The following CATSPERD variants were observed in gnomAD, a reference collection of about 807,000 sequenced individuals.
CATSPERD encodes cation channel sperm-associated auxiliary subunit delta.
CATSPERD carries 86 observed loss-of-function variants against 98.1 expected under a neutral mutation model. The ratio of observed to expected loss-of-function variants is 0.88; its 90% confidence interval spans 0.74 to 1.05. CATSPERD has a LOEUF of 1.05. CATSPERD is among the 50% of genes least tolerant of loss of function. The probability of loss-of-function intolerance (pLI) is 0.00; values close to 1 mark genes in which losing one functional copy is unlikely to be tolerated. For missense variants in CATSPERD, 995 were observed against 1,005.7 expected (o/e 0.99, Z 0.14); for synonymous variants, 394 against 390.2 (o/e 1.01, Z -0.12).
chr19:5,757,704 G>A (rs1216138886), intron 13 of CATSPERD, 139 bp from the exon 14 acceptor site: 5 of 561,190 alleles, frequency 8.9e-6, no homozygotes, highest in Non-Finnish European at 1.5e-5. Flanking sequence ...GTCTCCCAAA[G>A]TGCTGGGATT....
chr19:5,727,344 G>T lies in CATSPERD; in HGVS notation c.203G>T (p.Gly68Val). Reference sequence around the variant, plus strand: ...GAGAAAAATATAGCACTATATCTAGGGTAAGTGGCAATTTTATGTACTGTT... The same window carrying T: ...GAGAAAAATATAGCACTATATCTAGTGTAAGTGGCAATTTTATGTACTGTT... The part of the protein sequence containing the change: ...PCEKNIALYL[G>V]KQVFFTMDNF... The change falls in exon 3 of 22, where the codon GGG becomes GTG. Residue 68 changes from glycine to valine, a missense_variant and splice_region_variant. By Grantham distance (109) the Gly-to-Val change is moderately radical (BLOSUM62 -3). Transcript: ENST00000381624. 6.2e-7 allele frequency: 1 copy of T among 1,600,516 alleles called. No individual in the cohort carries two copies. The highest frequency in any genetic ancestry group is 1.1e-5 in the South Asian group (1 of 90,674).
chr19:5,724,960 G>C, intron 2 of CATSPERD, 98 bp downstream of exon 2: 1 of 1,055,608 alleles, frequency 9.5e-7, no homozygotes, highest in South Asian at 1.3e-5. Context: ...GTGTTGTCAA[G>C]CATTTAAGAT....
At chr19:5,742,353 C>T (rs531356161) in intron 7 of CATSPERD, among the ~76,000 whole-genome samples, 1 of 151,038 alleles carries the variant, frequency 6.6e-6, no homozygotes, top group South Asian at 2.1e-4. Flanking sequence ...TGTGTGTGTG[C>T]ATGTATGTTT....
intron 1 of CATSPERD, among the ~76,000 whole-genome samples, chr19:5,722,739 C>G (rs955006566): frequency 2.6e-5 from 4 of 151,748 alleles, no homozygotes; most frequent in Non-Finnish European, 4.4e-5. Flanking sequence ...GACCCCCCCC[C>G]CCGCAACCCC....
At chr19:5,727,984 T>A (rs2055637844) in intron 3 of CATSPERD, among the ~76,000 whole-genome samples, 2 of 140,342 alleles carry the variant, frequency 1.4e-5, no homozygotes, top group African/African-American at 5.3e-5. Context: ...GGAGGATCGC[T>A]GGAAGCTAGG....
intron 7 of CATSPERD, among the ~76,000 whole-genome samples, chr19:5,740,762 C>CAAA (rs59937872): frequency 9.4e-4 from 34 of 36,348 alleles, no homozygotes; most frequent in African/African-American, 1.5e-3. Flanking sequence ...AACTCCGTCT[C>CAAA]AAAAAAAAAA....
intron 3 of CATSPERD, 87 bp from the exon 4 acceptor site, chr19:5,729,785 A>G: frequency 1.3e-6 from 1 of 765,350 alleles, no homozygotes; most frequent in East Asian, 2.6e-5. Context: ...TTTTGTTTGA[A>G]TGGAGACATT....
chr19:5,735,007 T>G (rs2055814373), intron 5 of CATSPERD, among the ~76,000 whole-genome samples: 1 of 152,032 alleles, frequency 6.6e-6, no homozygotes, highest in African/African-American at 2.4e-5. Flanking sequence ...AGGACTCTGA[T>G]GCAGGAGGAA....
intron 18 of CATSPERD, 131 bp downstream of exon 18, chr19:5,768,373 G>T (rs1202257124): frequency 4.0e-6 from 2 of 503,138 alleles, no homozygotes; most frequent in Non-Finnish European, 5.7e-6. Context: ...AGTCTCGCCT[G>T]TCGCCCAGGC....
At chr19:5,721,862 G>A (rs1258903881) in intron 1 of CATSPERD, among the ~76,000 whole-genome samples, 1 of 151,910 alleles carries the variant, frequency 6.6e-6, no homozygotes, top group Non-Finnish European at 1.5e-5. Context: ...GGTGGCAGGT[G>A]CCTGTAATCC....
In CATSPERD at chr19:5,765,902, A is replaced by G. The variant is rs529936814; in HGVS notation, c.1507-201A>G. On this transcript the variant is annotated intron_variant, in intron 16 of 21. Transcript: ENST00000381624. Reference sequence around the variant, plus strand: ...CTCAGGCGACACCAGGAGTTTAGCCATACCCCAGGCTCTCAGAGCTTAAGC... The same window carrying G: ...CTCAGGCGACACCAGGAGTTTAGCCGTACCCCAGGCTCTCAGAGCTTAAGC... Among the ~76,000 whole-genome samples, 5 of 152,246 alleles carry G rather than the reference A, an allele frequency of 3.3e-5. No individual in the cohort carries two copies. In the South Asian group the frequency reaches 1.0e-3, roughly 32 times the overall value.
At chr19:5,762,058 A>ATATATTTTTTTTT in intron 15 of CATSPERD, among the ~76,000 whole-genome samples, 26 of 10,430 alleles carry the variant, frequency 2.5e-3, no homozygotes, top group African/African-American at 7.9e-3. Context: ...ATATATATAT[A>ATATATTTTTTTTT]TTTTTTTTTT....
intron 17 of CATSPERD, among the ~76,000 whole-genome samples, chr19:5,766,855 G>C (rs1043444120): frequency 6.6e-6 from 1 of 151,466 alleles, no homozygotes; most frequent in African/African-American, 2.4e-5. Context: ...ACCATGCCTG[G>C]CTAATTTTTG....
chr19:5,723,186 C>CAG (rs2055531868), intron 1 of CATSPERD, among the ~76,000 whole-genome samples: 2 of 121,394 alleles, frequency 1.6e-5, no homozygotes, highest in Non-Finnish European at 3.3e-5. Flanking sequence ...GATTCTGTCT[C>CAG]AAAAAAAAAA....
In CATSPERD at chr19:5,739,392, T is replaced by A; in HGVS notation, c.526T>A (p.Ser176Thr). The change falls in exon 7 of 22, where the codon TCA (serine) becomes ACA (threonine). Residue 176 changes from serine (S) to threonine (T), a missense_variant. Physicochemically the swap from Ser to Thr is moderately conservative, Grantham distance 58. Around this residue, in one of 3 missense-constraint regions of CATSPERD, gnomAD observed 5 missense variants for 22.4 expected, o/e 0.22. Transcript: ENST00000381624. ...DQISQTYIYY[S>T]NTGGFSFWKY... Reference sequence around the variant, plus strand: ...GATATCCCAGACTTATATATATTATTCAAATACTGGGGGATTCAGTTTTTG... The same window carrying A: ...GATATCCCAGACTTATATATATTATACAAATACTGGGGGATTCAGTTTTTG... 6.3e-7 allele frequency: 1 copy of A among 1,585,142 alleles called. No homozygotes were observed. Among genetic ancestry groups the A allele is most frequent in the South Asian group, 1.2e-5 (1 of 85,260 alleles).
intron 20 of CATSPERD, among the ~76,000 whole-genome samples, chr19:5,773,960 T>C (rs1023258576): frequency 7.3e-6 from 1 of 137,862 alleles, no homozygotes; most frequent in Admixed American, 8.6e-5. Context: ...GCTCTTTTTT[T>C]GCATTTGCTT....
intron 8 of CATSPERD, 65 bp downstream of exon 8, chr19:5,744,575 A>G: frequency 1.8e-6 from 2 of 1,089,250 alleles, no homozygotes; most frequent in Non-Finnish European, 2.7e-6. Flanking sequence ...TTTTGTTACA[A>G]CTCGCACATT....
At chr19:5,724,948 C>T (rs2055575919) in intron 2 of CATSPERD, 86 bp downstream of exon 2, 2 of 1,251,262 alleles carry the variant, frequency 1.6e-6, no homozygotes, top group Non-Finnish European at 2.4e-6. Context: ...TCTTGGGTGC[C>T]CGTGTTGTCA....
chr19:5,763,069 G>A (rs1179605520), intron 15 of CATSPERD, 146 bp from the exon 16 acceptor site: 2 of 637,020 alleles, frequency 3.1e-6, no homozygotes, highest in African/African-American at 3.6e-5. Context: ...TGGATGGATG[G>A]GTGGGTGGAA....
Sources: allele counts gnomAD v4.1 joint callset (sites outside exome capture counted in the v4.1 genomes callset), GRCh38; gene constraint gnomAD v4.1.1; regional missense constraint gnomAD v4.1.1; transcripts MANE v1.5; gene names NCBI Gene and HGNC (gene_info 2026-07-23, HGNC 2026-07-21).